The following BICC1 variants were observed in gnomAD, a reference collection of about 807,000 sequenced individuals.
The protein encoded by BICC1 is protein bicaudal C homolog 1.
Under a neutral mutation model 111.0 loss-of-function variants are expected in BICC1, and 43 were observed. The ratio of observed to expected loss-of-function variants is 0.39; its 90% CI spans 0.30 to 0.50. BICC1 has a LOEUF of 0.50. Among genes scored for constraint, BICC1 ranks in the 20% least tolerant of loss-of-function variants. The pLI is 0.88. For synonymous variants in BICC1, 467 were observed against 434.4 expected (o/e 1.07, Z -0.93); for missense variants, 1,091 against 1,203.2 (o/e 0.91, Z 1.38).
intron 2 of BICC1, among the ~76,000 whole-genome samples, chr10:58,627,287 T>A (rs1312718813): frequency 2.0e-5 from 3 of 152,132 alleles, no homozygotes; most frequent in Non-Finnish European, 2.9e-5. Context: ...TGAAAATAGG[T>A]CTTTTAAGAA....
chr10:58,586,539 G>C (rs1484140574), intron 1 of BICC1, among the ~76,000 whole-genome samples: 1 of 151,322 alleles, frequency 6.6e-6, no homozygotes, highest in Admixed American at 6.6e-5. Context: ...TTGGGGGCGG[G>C]GGGGCGCGGA....
At chr10:58,631,633 G>A (rs948017759) in intron 2 of BICC1, among the ~76,000 whole-genome samples, 2 of 152,072 alleles carry the variant, frequency 1.3e-5, no homozygotes, top group South Asian at 2.1e-4. Context: ...GCAAAGTACC[G>A]ATAAGTAGGG....
intron 3 of BICC1, among the ~76,000 whole-genome samples, chr10:58,747,966 A>T (rs77888864): frequency 6.6e-6 from 1 of 152,140 alleles, no homozygotes; most frequent in African/African-American, 2.4e-5. Flanking sequence ...GCCAAGTCCA[A>T]ATGGCCTACA....
intron 3 of BICC1, among the ~76,000 whole-genome samples, chr10:58,767,582 A>T (rs1842492980): frequency 6.6e-6 from 1 of 152,190 alleles, no homozygotes; most frequent in South Asian, 2.1e-4. Flanking sequence ...CCATCCCCAA[A>T]GAAGTAGAGG....
intron 13 of BICC1, among the ~76,000 whole-genome samples, chr10:58,800,621 A>G (rs1009950428): frequency 1.3e-5 from 2 of 152,304 alleles, no homozygotes; most frequent in South Asian, 2.1e-4. Flanking sequence ...TTATATATAT[A>G]GTTCCCCCAA....
chr10:58,790,711 G>A (rs1033180875), intron 8 of BICC1, among the ~76,000 whole-genome samples: 1 of 152,144 alleles, frequency 6.6e-6, no homozygotes, highest in Non-Finnish European at 1.5e-5. Context: ...TGTAATCCCA[G>A]TTACTCAGGA....
intron 1 of BICC1, among the ~76,000 whole-genome samples, chr10:58,590,949 C>G (rs971690143): frequency 1.3e-5 from 2 of 152,134 alleles, no homozygotes; most frequent in Non-Finnish European, 2.9e-5. Context: ...CTTTGACCAC[C>G]GGTTCTCTCA....
At chr10:58,807,888 A>G (rs1450162776) in intron 17 of BICC1, among the ~76,000 whole-genome samples, 7 of 152,308 alleles carry the variant, frequency 4.6e-5, no homozygotes, top group African/African-American at 1.7e-4. Flanking sequence ...CCAAACATGG[A>G]TGAAAATGAT....
intron 3 of BICC1, among the ~76,000 whole-genome samples, chr10:58,717,716 C>T (rs927858599): frequency 1.3e-5 from 2 of 152,144 alleles, no homozygotes; most frequent in Non-Finnish European, 2.9e-5. Context: ...TAGTTGCCTA[C>T]TTTTACACAT....
intron 1 of BICC1, among the ~76,000 whole-genome samples, chr10:58,537,108 T>G (rs1658466): frequency 0.99 from 150,883 of 151,812 alleles, 74,983 homozygotes; most frequent in East Asian, 1. Context: ...GCCCAGGGCA[T>G]ATGGATTCAA....
chr10:58,549,456 T>C (rs889577409), intron 1 of BICC1, among the ~76,000 whole-genome samples: 4 of 152,122 alleles, frequency 2.6e-5, no homozygotes, highest in Non-Finnish European at 4.4e-5. Context: ...CTAGTCAACG[T>C]TTGGTATTGT....
At chr10:58,665,449 G>A (rs1001618586) in intron 2 of BICC1, among the ~76,000 whole-genome samples, 6 of 152,034 alleles carry the variant, frequency 3.9e-5, no homozygotes, top group South Asian at 2.1e-4. Flanking sequence ...GTTGAAGCCC[G>A]TATTTAAACT....
intron 2 of BICC1, among the ~76,000 whole-genome samples, chr10:58,687,630 G>T (rs1229695276): frequency 6.6e-6 from 1 of 152,186 alleles, no homozygotes; most frequent in Non-Finnish European, 1.5e-5. Context: ...TGCTGTGCTG[G>T]CAGTGAGTGA....
At chr10:58,672,544 T>C (rs1839215040) in intron 2 of BICC1, among the ~76,000 whole-genome samples, 1 of 152,180 alleles carries the variant, frequency 6.6e-6, no homozygotes, top group Admixed American at 6.5e-5. Flanking sequence ...GTATGTCAGA[T>C]GATATCATTG....
chr10:58,765,679 G>C (rs1417141305), intron 3 of BICC1, among the ~76,000 whole-genome samples: 3 of 152,152 alleles, frequency 2.0e-5, no homozygotes, highest in Non-Finnish European at 4.4e-5. Flanking sequence ...AAATGAAGTA[G>C]TCTAACATTT....
At chr10:58,703,653 C>T (rs974428640) in intron 3 of BICC1, among the ~76,000 whole-genome samples, 1 of 152,102 alleles carries the variant, frequency 6.6e-6, no homozygotes, top group Non-Finnish European at 1.5e-5. Flanking sequence ...ATGTTTTGTA[C>T]TCATTATGCA....
intron 6 of BICC1, among the ~76,000 whole-genome samples, chr10:58,788,946 G>A (rs976725104): frequency 4.6e-5 from 7 of 152,054 alleles, no homozygotes; most frequent in African/African-American, 1.7e-4. Context: ...TTAAAAATTA[G>A]CCAGGTATGG....
chr10:58,716,328 A>G (rs536058614), intron 3 of BICC1: 4 of 1,424,816 alleles, frequency 2.8e-6, no homozygotes, highest in South Asian at 2.7e-5. Flanking sequence ...AGAAAGTGCA[A>G]TGTCTGAGGA....
chr10:58,822,237 C>T (rs1226835000), intron 20 of BICC1, among the ~76,000 whole-genome samples: 4 of 152,076 alleles, frequency 2.6e-5, no homozygotes, highest in Non-Finnish European at 5.9e-5. Flanking sequence ...TAATCTTTCA[C>T]TAGAGATTCA....
Sources: allele counts gnomAD v4.1 joint callset (sites outside exome capture counted in the v4.1 genomes callset), GRCh38; gene constraint gnomAD v4.1.1; transcripts MANE v1.5; gene names NCBI Gene and HGNC (gene_info 2026-07-23, HGNC 2026-07-21).